WDR72: variants seen among roughly 807,000 people sequenced by gnomAD.
WDR72 encodes the protein WD repeat domain 72.
A neutral mutation model predicts 124.2 loss-of-function variants in WDR72; 120 were observed. That is an observed-to-expected ratio of 0.97 (90% confidence interval 0.83 to 1.12). WDR72 has a LOEUF of 1.12. Ranked by LOEUF, WDR72 falls within the 50% of genes most tolerant of loss-of-function variation. The pLI is 0.00. For missense variants in WDR72, 1,387 were observed against 1,278.8 expected, an observed-to-expected ratio of 1.08 and a Z score of -1.29; for synonymous variants, 452 against 441.7, an observed-to-expected ratio of 1.02 and a Z score of -0.29.
At chr15:53,688,775 G>T (rs2016735932) in intron 13 of WDR72, among the ~76,000 whole-genome samples, 2 of 152,014 alleles carry the variant, frequency 1.3e-5, no homozygotes, top group South Asian at 4.2e-4. Flanking sequence ...TAAGCCAAAA[G>T]AACAAAGCTG....
intron 18 of WDR72, among the ~76,000 whole-genome samples, chr15:53,582,487 T>A (rs2011982279): frequency 3.3e-5 from 5 of 151,958 alleles, no homozygotes. Flanking sequence ...TTCTGTTACA[T>A]TAAGGCATTC....
At chr15:53,680,438 G>A (rs1413219882) in intron 13 of WDR72, among the ~76,000 whole-genome samples, 1 of 152,152 alleles carries the variant, frequency 6.6e-6, no homozygotes, top group African/African-American at 2.4e-5. Flanking sequence ...TGTAAGATAT[G>A]GAGAGAATTT....
At chr15:53,760,836 GC>G, upstream of WDR72, among the ~76,000 whole-genome samples, 1 of 152,116 alleles carries the variant, frequency 6.6e-6, no homozygotes, top group Non-Finnish European at 1.5e-5. Context: ...TTTAAAATGG[GC>G]AAAAGGCCAG....
intron 13 of WDR72, among the ~76,000 whole-genome samples, chr15:53,682,591 C>T (rs2016433804): frequency 6.6e-6 from 1 of 152,090 alleles, no homozygotes; most frequent in Non-Finnish European, 1.5e-5. Flanking sequence ...CTCTTGAATG[C>T]TTAAAAACTT....
At chr15:53,600,350 T>G (rs1338756415) in intron 17 of WDR72, among the ~76,000 whole-genome samples, 3 of 152,132 alleles carry the variant, frequency 2.0e-5, no homozygotes, top group Non-Finnish European at 4.4e-5. Flanking sequence ...CTTTGTAATT[T>G]TAATAATGAG....
intron 18 of WDR72, among the ~76,000 whole-genome samples, chr15:53,543,550 C>T (rs1000676143): frequency 2.0e-5 from 3 of 149,636 alleles, no homozygotes; most frequent in African/African-American, 7.4e-5. Context: ...CAGGAAAGAT[C>T]CAAAATTGAC....
At chr15:53,553,866 C>T (rs1340812414) in intron 18 of WDR72, among the ~76,000 whole-genome samples, 1 of 151,960 alleles carries the variant, frequency 6.6e-6, no homozygotes, top group Non-Finnish European at 1.5e-5. Flanking sequence ...TAAAAATTTC[C>T]AACTAAAATG....
At chr15:53,724,320 T>C (rs2017958854) in intron 2 of WDR72, among the ~76,000 whole-genome samples, 1 of 152,282 alleles carries the variant, frequency 6.6e-6, no homozygotes, top group East Asian at 1.9e-4. Flanking sequence ...AAAAAATGAT[T>C]ATGTGAGGTG....
intron 14 of WDR72, among the ~76,000 whole-genome samples, chr15:53,622,426 C>A (rs1355406011): frequency 6.6e-6 from 1 of 150,940 alleles, no homozygotes; most frequent in East Asian, 1.9e-4. Context: ...TACATATATA[C>A]CATGGAATAC....
intron 1 of WDR72, among the ~76,000 whole-genome samples, chr15:53,738,388 T>G (rs1044964537): frequency 2.0e-5 from 3 of 152,030 alleles, no homozygotes; most frequent in African/African-American, 7.2e-5. Flanking sequence ...AAACCCAGGT[T>G]TTGAAAAGAG....
rs545028051 is a variant in WDR72, at chr15:53,696,387, C to A, written c.1765+3363G>T. Among the ~76,000 whole-genome samples the A allele has an allele frequency of 2.5e-3, 386 of 152,240 alleles. 6 individuals are homozygous for A. The highest frequency in any genetic ancestry group is 8.8e-3 in the African/African-American group (367 of 41,546). On this transcript the variant is annotated intron_variant, in intron 13 of 19. Coordinates refer to ENST00000360509, the MANE Select transcript of WDR72 (RefSeq NM_182758.4). ...AAGACTTGAAGCAGAAAGCTAAGGACCTGCTTACAGTTGGGCAGTCAGGAT... is the reference window on the plus strand; with the variant it reads ...AAGACTTGAAGCAGAAAGCTAAGGAACTGCTTACAGTTGGGCAGTCAGGAT...
At chr15:53,546,194 G>A (rs1211613959) in intron 18 of WDR72, among the ~76,000 whole-genome samples, 1 of 148,194 alleles carries the variant, frequency 6.7e-6, no homozygotes, top group East Asian at 2.0e-4. Context: ...AAATCATGCT[G>A]CTATAAAGAC....
intron 13 of WDR72, among the ~76,000 whole-genome samples, chr15:53,689,767 G>A (rs891004639): frequency 3.3e-5 from 5 of 152,080 alleles, no homozygotes; most frequent in Admixed American, 1.3e-4. Flanking sequence ...ACACGCACAC[G>A]TATGTTTATT....
intron 1 of WDR72, among the ~76,000 whole-genome samples, chr15:53,737,292 C>T (rs866029763): frequency 7.9e-5 from 12 of 152,094 alleles, no homozygotes; most frequent in African/African-American, 2.7e-4. Flanking sequence ...AAGGACCTCC[C>T]ACAGGCCAAA....
Position 53,657,291 on chromosome 15 carries a change from A to G in WDR72, c.1962+8281T>C, listed in dbSNP as rs1350649023. Among the ~76,000 whole-genome samples the G allele has an allele frequency of 6.7e-5, 9 of 133,804 alleles. No homozygotes were observed. In the East Asian group the frequency reaches 1.9e-3, roughly 28 times the overall value. The allele number at this position is 133,804 out of a possible 152,430, so 87.8% of individuals were successfully genotyped here. On this transcript the variant is annotated intron_variant, in intron 14 of 19. Coordinates refer to ENST00000360509, the MANE Select transcript of WDR72 (RefSeq NM_182758.4). ...AAAAAAAAAAAAAAAAAAAAAAAAG[A>G]AAGAAGGAAAAAAGAAATAAGGAAG...
intron 18 of WDR72, among the ~76,000 whole-genome samples, chr15:53,573,450 C>T (rs2140308603): frequency 6.6e-6 from 1 of 152,140 alleles, no homozygotes; most frequent in Non-Finnish European, 1.5e-5. Flanking sequence ...TCATTTTGGT[C>T]ATTGCTATTC....
intron 18 of WDR72, among the ~76,000 whole-genome samples, chr15:53,535,187 T>A (rs1229346231): frequency 6.6e-6 from 1 of 152,180 alleles, no homozygotes; most frequent in Non-Finnish European, 1.5e-5. Flanking sequence ...CATTTACACA[T>A]AGAATTTAAT....
Position 53,715,212 on chromosome 15 carries a change from A to G in WDR72, c.495T>C (p.Val165=). 5.0e-6 allele frequency: 8 copies of G among 1,614,150 alleles called. No homozygotes were observed. Among genetic ancestry groups the G allele is most frequent in the Non-Finnish European group, 6.8e-6 (8 of 1,180,004 alleles). The change falls in exon 5 of 20, where the codon GTT becomes GTC. Residue 165 remains valine (V), a synonymous_variant. Coordinates refer to ENST00000360509, the MANE Select transcript of WDR72 (RefSeq NM_182758.4). ...FPDWINCMCI[V]HSMRIQEDSL... is the part of the protein sequence containing the mutation. ...TATTACCTTGAATTCTCATGGAGTG[A>G]ACAATGCACATGCAGTTGATCCAGT...
chr15:53,689,574 T>C (rs2016767049), intron 13 of WDR72, among the ~76,000 whole-genome samples: 2 of 147,762 alleles, frequency 1.4e-5, no homozygotes, highest in Admixed American at 1.3e-4. Context: ...CAACAGGTGC[T>C]GGAGAGGATG....
Sources: gnomAD v4.1 joint callset for allele counts (sites outside exome capture counted in the v4.1 genomes callset) on GRCh38, gnomAD v4.1.1 for gene constraint, MANE v1.5 for transcripts, NCBI Gene and HGNC (gene_info 2026-07-23, HGNC 2026-07-21) for gene names.